PDE1C: variants seen among roughly 807,000 people sequenced by gnomAD.
PDE1C encodes the protein dual specificity calcium/calmodulin-dependent 3',5'-cyclic nucleotide phosphodiesterase 1C.
A neutral mutation model predicts 93.1 loss-of-function variants in PDE1C; 62 were observed. That is an observed-to-expected ratio of 0.67 (90% confidence interval 0.54 to 0.82). PDE1C has a LOEUF of 0.82. Among genes scored for constraint, PDE1C ranks in the 40% least tolerant of loss-of-function variants. The pLI is 0.00. For missense variants in PDE1C, 742 were observed against 884.6 expected, an observed-to-expected ratio of 0.84 and a Z score of 2.04; for synonymous variants, 325 against 310.1, an observed-to-expected ratio of 1.05 and a Z score of -0.50.
At chr7:32,373,064 G>A (rs1417693732) in intron 1 of PDE1C, among the ~76,000 whole-genome samples, 1 of 152,176 alleles carries the variant, frequency 6.6e-6, no homozygotes, top group African/African-American at 2.4e-5. Context: ...GTTTCTCAAA[G>A]ATTAATCATG....
At chr7:31,688,767 C>G in the PDE1C span, among the ~76,000 whole-genome samples, 1 of 152,186 alleles carries the variant, frequency 6.6e-6, no homozygotes, top group South Asian at 2.1e-4. Context: ...ATCCTGAAAT[C>G]CTTTCTCAAA....
At chr7:31,728,718 G>A in the PDE1C span, among the ~76,000 whole-genome samples, 4 of 152,190 alleles carry the variant, frequency 2.6e-5, no homozygotes, top group Non-Finnish European at 5.9e-5. Context: ...TCTGCCTAGA[G>A]TTAAATATAT....
At chr7:31,798,412 G>T (rs1785576077) in intron 16 of PDE1C, among the ~76,000 whole-genome samples, 1 of 151,646 alleles carries the variant, frequency 6.6e-6, no homozygotes, top group Non-Finnish European at 1.5e-5. Context: ...TTTCCCAAAT[G>T]AGACCATTCT....
intron 1 of PDE1C, among the ~76,000 whole-genome samples, chr7:32,414,358 T>G (rs1261521773): frequency 6.6e-6 from 1 of 152,090 alleles, no homozygotes; most frequent in Non-Finnish European, 1.5e-5. Flanking sequence ...TAAAAAACAT[T>G]ACATTATAAA....
rs1481698133 is a variant in PDE1C at position 31,753,092 on chromosome 7, T to C, written c.*292A>G. ...TTATTTTTTTTTAAGTTTGTGTCATTTTAATTTTGGTCCAATTTAGACTTT... is the reference window on the plus strand; with the variant it reads ...TTATTTTTTTTTAAGTTTGTGTCATCTTAATTTTGGTCCAATTTAGACTTT... On this transcript the variant is annotated 3_prime_UTR_variant, in exon 18 of 18. Transcript: ENST00000396191. The C allele has an allele frequency of 4.8e-6, 1 of 209,556 alleles. No homozygotes were observed. Among genetic ancestry groups the C allele is most frequent in the Non-Finnish European group, 9.4e-6 (1 of 106,436 alleles). 13.0% of individuals were successfully genotyped at this position (209,556 alleles called of 1,614,324 possible). A position where few individuals can be genotyped will look rare whatever the true frequency, so the allele number is the denominator to read the frequency against.
chr7:31,774,017 T>C (rs975668120), intron 17 of PDE1C, among the ~76,000 whole-genome samples: 4 of 152,088 alleles, frequency 2.6e-5, no homozygotes, highest in African/African-American at 9.7e-5. Context: ...GGATGTGGAG[T>C]CCACTTGTTT....
chr7:32,277,577 A>G (rs1419762743), intron 1 of PDE1C, among the ~76,000 whole-genome samples: 1 of 152,242 alleles, frequency 6.6e-6, no homozygotes, highest in Non-Finnish European at 1.5e-5. Flanking sequence ...AGCAACTGAC[A>G]GGACTAAATT....
intron 2 of PDE1C, among the ~76,000 whole-genome samples, chr7:32,178,656 C>T (rs1317771089): frequency 6.6e-6 from 1 of 152,098 alleles, no homozygotes; most frequent in African/African-American, 2.4e-5. Context: ...TCAGCTTCTC[C>T]TCACTCCCCT....
At chr7:32,091,749 A>C (rs1797479446) in intron 3 of PDE1C, among the ~76,000 whole-genome samples, 1 of 152,222 alleles carries the variant, frequency 6.6e-6, no homozygotes, top group African/African-American at 2.4e-5. Flanking sequence ...GCTTTTACTC[A>C]GAGTGAAATG....
At chr7:32,306,606 A>G (rs979481252) in intron 1 of PDE1C, among the ~76,000 whole-genome samples, 1 of 152,212 alleles carries the variant, frequency 6.6e-6, no homozygotes. Flanking sequence ...AGCCAAAGAG[A>G]TCTTTTTAAA....
At chr7:32,335,826 A>T (rs215652) in intron 1 of PDE1C, among the ~76,000 whole-genome samples, 145,043 of 152,108 alleles carry the variant, frequency 0.95, 69,340 homozygotes, top group East Asian at 1. Context: ...CCTCCTAGCC[A>T]CAAGTGATCC....
At chr7:32,427,068 A>G (rs1785548186) in intron 1 of PDE1C, among the ~76,000 whole-genome samples, 1 of 152,224 alleles carries the variant, frequency 6.6e-6, no homozygotes, top group Admixed American at 6.5e-5. Flanking sequence ...GACGAAATGG[A>G]ATCTTTGAAT....
At chr7:31,728,060 AG>A in the PDE1C span, among the ~76,000 whole-genome samples, 7 of 152,254 alleles carry the variant, frequency 4.6e-5, no homozygotes, top group East Asian at 1.9e-4. Flanking sequence ...AATAAATAAA[AG>A]TTTTATGTGA....
At chr7:32,172,422 C>A (rs756711504) in intron 2 of PDE1C, among the ~76,000 whole-genome samples, 1 of 151,636 alleles carries the variant, frequency 6.6e-6, no homozygotes, top group Non-Finnish European at 1.5e-5. Context: ...ACTTACATGG[C>A]CACCAAACAT....
chr7:31,651,325 G>A, the PDE1C span: 2 of 1,587,346 alleles, frequency 1.3e-6, no homozygotes. Context: ...CTGGAGCAAG[G>A]AAGATAATCA....
chr7:32,398,484 G>A (rs563655095), intron 1 of PDE1C, among the ~76,000 whole-genome samples: 2 of 151,138 alleles, frequency 1.3e-5, no homozygotes, highest in African/African-American at 4.8e-5. Flanking sequence ...CACTACCTGG[G>A]TTCAAGTGAT....
chr7:31,701,453 G>A, the PDE1C span, among the ~76,000 whole-genome samples: 16 of 152,226 alleles, frequency 1.1e-4, no homozygotes, highest in Non-Finnish European at 1.8e-4. Context: ...GGTTTCTTGA[G>A]ATGAAATCTA....
At chr7:31,734,406 A>G in the PDE1C span, among the ~76,000 whole-genome samples, 1 of 152,184 alleles carries the variant, frequency 6.6e-6, no homozygotes, top group African/African-American at 2.4e-5. Flanking sequence ...AGGTCGGTCC[A>G]CTTCTCTGCA....
intron 3 of PDE1C, among the ~76,000 whole-genome samples, chr7:32,100,935 C>CA (rs1210154183): frequency 6.6e-6 from 1 of 152,166 alleles, no homozygotes; most frequent in African/African-American, 2.4e-5. Flanking sequence ...GGCCTAAATA[C>CA]AACTACTGGA....
Sources: gnomAD v4.1 joint callset for allele counts (sites outside exome capture counted in the v4.1 genomes callset) on GRCh38, gnomAD v4.1.1 for gene constraint, MANE v1.5 for transcripts, NCBI Gene and HGNC (gene_info 2026-07-23, HGNC 2026-07-21) for gene names.